Variants in ARHGEF7 observed in about 807,000 individuals in gnomAD.
The protein encoded by ARHGEF7 is PAK-interacting exchange factor beta.
In ARHGEF7, 33 loss-of-function variants were observed where a neutral mutation model predicts 109.8. The observed-to-expected ratio is 0.30, with a 90% confidence interval of 0.23 to 0.40. The LOEUF (loss-of-function observed/expected upper bound fraction) is 0.40, where lower values mean the gene tolerates loss of function less well. ARHGEF7 is among the 10% of genes least tolerant of loss of function. ARHGEF7 has a pLI of 1.00. For synonymous variants in ARHGEF7, 458 were observed against 424.6 expected (o/e 1.08, Z -0.97); for missense variants, 938 against 1,098.5 (o/e 0.85, Z 2.07).
At chr13:111,225,308 A>G (rs545463035) in intron 5 of ARHGEF7, among the ~76,000 whole-genome samples, 7 of 152,264 alleles carry the variant, frequency 4.6e-5, no homozygotes, top group African/African-American at 1.7e-4. Flanking sequence ...ACATGCTTGT[A>G]GCATGTGATA....
Position 111,300,855 on chromosome 13 carries a change from G to A in ARHGEF7, c.2411+8G>A. ...GACAGTGATAGAAGAAAAGTAAGAT[G>A]TCTTCCGGTATTCTAAAGCAGATGT... On this transcript the variant is annotated splice_region_variant and intron_variant, in intron 20 of 21. Transcript: ENST00000646102. The A allele has an allele frequency of 6.4e-7, 1 of 1,560,840 alleles. No homozygotes were observed.
At chr13:111,135,354 G>T (rs2075033374) in intron 1 of ARHGEF7, among the ~76,000 whole-genome samples, 2 of 152,276 alleles carry the variant, frequency 1.3e-5, no homozygotes, top group Non-Finnish European at 2.9e-5. Flanking sequence ...TTGGTAGCTT[G>T]ATGGGGATGG....
intron 2 of ARHGEF7, among the ~76,000 whole-genome samples, chr13:111,172,316 G>T (rs2077678732): frequency 6.6e-6 from 1 of 151,902 alleles, no homozygotes; most frequent in Non-Finnish European, 1.5e-5. Context: ...AATAAATTCA[G>T]TTCTATAAAT....
chr13:111,154,118 G>C lies in ARHGEF7; in HGVS notation c.252+127G>C, dbSNP rs1040901234. On this transcript the variant is annotated intron_variant, in intron 2 of 21. Coordinates refer to ENST00000646102, the MANE Select transcript of ARHGEF7 (RefSeq NM_001354046.2). ...CGGATCCGACCCTCCCCGGCTGCTC[G>C]AGAGTCCGGGATGTGTGGAACGGGG... is the stretch of plus-strand genomic sequence containing the variant. 5.0e-6 allele frequency: 5 copies of C among 998,248 alleles called. No individual in the cohort carries two copies. The African/African-American group carries it at 5.2e-5, about 10-fold the overall frequency. The allele number at this position is 998,248 out of a possible 1,614,324, so 61.8% of individuals were successfully genotyped here.
intron 1 of ARHGEF7, among the ~76,000 whole-genome samples, chr13:111,119,923 T>C (rs1233768792): frequency 6.6e-6 from 1 of 152,142 alleles, no homozygotes; most frequent in Non-Finnish European, 1.5e-5. Context: ...CTCAGGCCCG[T>C]GACCTGTAGC....
chr13:111,270,992 G>A (rs2092097392), intron 9 of ARHGEF7, among the ~76,000 whole-genome samples: 1 of 152,198 alleles, frequency 6.6e-6, no homozygotes, highest in African/African-American at 2.4e-5. Context: ...CGTGGTCAGA[G>A]GGGCCGGCCA....
At chr13:111,176,772 T>A (rs1050808186) in intron 2 of ARHGEF7, among the ~76,000 whole-genome samples, 22 of 151,966 alleles carry the variant, frequency 1.4e-4, no homozygotes, top group African/African-American at 4.6e-4. Context: ...TTATTTATTT[T>A]TTTAGATGGA....
intron 4 of ARHGEF7, among the ~76,000 whole-genome samples, chr13:111,216,033 T>C (rs1312969341): frequency 2.6e-5 from 4 of 152,224 alleles, no homozygotes; most frequent in Non-Finnish European, 5.9e-5. Flanking sequence ...TTTTTGTCTT[T>C]AGTTTTCAGA....
rs761935863 is a variant in ARHGEF7, at chr13:111,123,860, G to GCGC, written c.165+8171_165+8173dup. Among the ~76,000 whole-genome samples the GCGC allele has an allele frequency of 3.0e-4, 8 of 27,064 alleles. 1 individual carries two copies. The highest frequency in any genetic ancestry group is 8.5e-4 in the Non-Finnish European group (7 of 8,266). The allele number at this position is 27,064 out of a possible 152,430, so 17.8% of individuals were successfully genotyped here. On this transcript the variant is annotated intron_variant, in intron 1 of 21. Transcript: ENST00000646102. ...ACTGGCCATCGTTGGCTGGTGGGCT[G>GCGC]CGCCCCCCCCCCCCGGCCCCGCCCC...
At chr13:111,269,248 AT>A (rs2091936412) in intron 9 of ARHGEF7, among the ~76,000 whole-genome samples, 2 of 152,188 alleles carry the variant, frequency 1.3e-5, no homozygotes, top group Admixed American at 6.5e-5. Flanking sequence ...ATTGAATGAG[AT>A]TTCCAGAAAG....
At chr13:111,170,917 G>A (rs2077541965) in intron 2 of ARHGEF7, among the ~76,000 whole-genome samples, 1 of 152,204 alleles carries the variant, frequency 6.6e-6, no homozygotes, top group Non-Finnish European at 1.5e-5. Context: ...ATAAAAAGCA[G>A]CAGTGGTTAT....
chr13:111,240,273 C>T (rs992206025), intron 6 of ARHGEF7, among the ~76,000 whole-genome samples: 7 of 152,170 alleles, frequency 4.6e-5, no homozygotes, highest in Non-Finnish European at 8.8e-5. Context: ...TTAGGAGAAA[C>T]GTACCCCAAG....
Position 111,131,173 on chromosome 13 carries a change from G to A in ARHGEF7, c.165+15482G>A, listed in dbSNP as rs905375213. 2.0e-5 allele frequency among the ~76,000 whole-genome samples: 3 copies of A among 152,308 alleles called. No homozygotes were observed. The highest frequency in any genetic ancestry group is 2.1e-4 in the South Asian group (1 of 4,832). On this transcript the variant is annotated intron_variant, in intron 1 of 21. Transcript: ENST00000646102. The surrounding 1 kb of genome is among the most constrained non-coding windows in gnomAD (Gnocchi z 4.4). The stretch of plus-strand genomic sequence containing the variant: ...GTGAAGATGGTTATGAAACTCCCAC[G>A]GTTGCCCATGGAGAGCTGTGGGAGC...
At chr13:111,283,463 C>A in intron 16 of ARHGEF7, 100 bp downstream of exon 16, 1 of 1,458,064 alleles carries the variant, frequency 6.9e-7, no homozygotes, top group South Asian at 1.4e-5. Flanking sequence ...GCAAAATGCA[C>A]CCTAACTCCT....
At chr13:111,275,142 T>C (rs568123985) in intron 11 of ARHGEF7, among the ~76,000 whole-genome samples, 14 of 152,352 alleles carry the variant, frequency 9.2e-5, no homozygotes, top group African/African-American at 3.1e-4. Flanking sequence ...TTTGGAAATA[T>C]ATGGCCTTAT....
intron 2 of ARHGEF7, among the ~76,000 whole-genome samples, chr13:111,191,559 A>G (rs1363276517): frequency 1.3e-5 from 2 of 152,208 alleles, no homozygotes; most frequent in Non-Finnish European, 2.9e-5. Flanking sequence ...GTAGAGACCC[A>G]GGTTTTTGCA....
intron 2 of ARHGEF7, among the ~76,000 whole-genome samples, chr13:111,179,081 CT>C (rs869163230): frequency 4.9e-4 from 44 of 89,486 alleles, no homozygotes; most frequent in Non-Finnish European, 4.2e-4. Flanking sequence ...AATGCCTGTT[CT>C]TTTTTTTTTT....
At chr13:111,214,857 TTAAA>T (rs2082922728) in intron 4 of ARHGEF7, among the ~76,000 whole-genome samples, 1 of 141,394 alleles carries the variant, frequency 7.1e-6, no homozygotes, top group African/African-American at 2.5e-5. Context: ...GTAAACACAT[TTAAA>T]TAGATAAGTA....
intron 5 of ARHGEF7, among the ~76,000 whole-genome samples, chr13:111,224,987 G>A (rs563703386): frequency 6.6e-6 from 1 of 152,300 alleles, no homozygotes; most frequent in Non-Finnish European, 1.5e-5. Context: ...TGGGCCCCCC[G>A]AGGCAGGCGT....
Sources: allele counts gnomAD v4.1 joint callset (sites outside exome capture counted in the v4.1 genomes callset), GRCh38; gene constraint gnomAD v4.1.1; non-coding constraint Gnocchi (gnomAD v3.1); transcripts MANE v1.5; gene names NCBI Gene and HGNC (gene_info 2026-07-23, HGNC 2026-07-21).